Variants in BCAS3 observed in about 807,000 individuals in gnomAD.
BCAS3 encodes BCAS3 microtubule associated cell migration factor, also known as BCAS4/BCAS3 fusion.
A neutral mutation model predicts 116.1 loss-of-function variants in BCAS3; 53 were observed. That is an observed-to-expected ratio of 0.46 (90% CI 0.37 to 0.57). The LOEUF is 0.57. Among genes scored for constraint, BCAS3 ranks in the 20% least tolerant of loss-of-function variants. The pLI, the probability that BCAS3 is intolerant of heterozygous loss-of-function variation, is 0.00. For synonymous variants in BCAS3, 391 were observed against 408.2 expected, an observed-to-expected ratio of 0.96 and a Z score of 0.51; for missense variants, 917 against 1,165.4, an observed-to-expected ratio of 0.79 and a Z score of 3.10.
Position 61,073,532 on chromosome 17 carries a change from G to T in BCAS3, c.2030-1388G>T, listed in dbSNP as rs745391450. Among the ~76,000 whole-genome samples, 1 of 151,834 alleles carries T rather than the reference G, an allele frequency of 6.6e-6. No individual in the cohort carries two copies. The highest frequency in any genetic ancestry group is 1.9e-4 in the East Asian group (1 of 5,174). ...GGTTGGCATTCTCTTTCACTGCTTG[G>T]GTAAGTGTATAACTCTTTCTGGGAA... On this transcript the variant is annotated intron_variant, in intron 19 of 23. Transcript: ENST00000407086. This position sits in a 1 kb window ranked among gnomAD's most constrained non-coding sequence, Gnocchi z 4.6.
chr17:60,780,097 C>CTT (rs1445068300), intron 6 of BCAS3, among the ~76,000 whole-genome samples: 2 of 151,088 alleles, frequency 1.3e-5, no homozygotes, highest in African/African-American at 4.9e-5. Flanking sequence ...TCAAGCGATT[C>CTT]TTCTGCCTCG....
chr17:61,347,152 G>A lies in BCAS3; in HGVS notation c.2426-21175G>A, dbSNP rs137951184. ...TGCAGTGGTGCAATCTCAGCTCACCGCAACCTCCACCTCCAGGGTTCAAGC... is the reference window on the plus strand; with the variant it reads ...TGCAGTGGTGCAATCTCAGCTCACCACAACCTCCACCTCCAGGGTTCAAGC... On this transcript the variant is annotated intron_variant, in intron 22 of 23. Transcript: ENST00000407086. The surrounding 1 kb of genome is among the most constrained non-coding windows in gnomAD (Gnocchi z 4.3). 9.2e-5 allele frequency among the ~76,000 whole-genome samples: 14 copies of A among 152,084 alleles called. No homozygotes were observed. The highest frequency in any genetic ancestry group is 3.4e-4 in the African/African-American group (14 of 41,410).
intron 22 of BCAS3, among the ~76,000 whole-genome samples, chr17:61,177,364 C>T (rs150549811): frequency 1.3e-5 from 2 of 152,276 alleles, no homozygotes; most frequent in African/African-American, 4.8e-5. Flanking sequence ...AAATGGAATA[C>T]TACTCAGCAA....
chr17:60,894,116 A>G (rs933745634), intron 10 of BCAS3, among the ~76,000 whole-genome samples: 1 of 151,952 alleles, frequency 6.6e-6, no homozygotes, highest in Non-Finnish European at 1.5e-5. Context: ...AATTCTGTGG[A>G]AAAAACATTA....
Position 61,364,988 on chromosome 17 carries a change from T to C in BCAS3, c.2426-3339T>C, listed in dbSNP as rs187048255. Among the ~76,000 whole-genome samples, 10 of 152,312 alleles carry C rather than the reference T, an allele frequency of 6.6e-5. No individual in the cohort carries two copies. Among genetic ancestry groups the C allele is most frequent in the African/African-American group, 2.4e-4 (10 of 41,556 alleles). ...ATACATATTTGTCATTAAGAACATA[T>C]ACATGAACACACCTATTACATACAG... On this transcript the variant is annotated intron_variant, in intron 22 of 23. Coordinates refer to ENST00000407086, the MANE Select transcript of BCAS3 (RefSeq NM_017679.5). The surrounding 1 kb of genome is among the most constrained non-coding windows in gnomAD (Gnocchi z 5.4).
At chr17:60,703,049 T>C (rs1393949799) in intron 4 of BCAS3, among the ~76,000 whole-genome samples, 3 of 136,028 alleles carry the variant, frequency 2.2e-5, no homozygotes, top group East Asian at 2.4e-4. Context: ...CCAAGGTGGG[T>C]GGATCACCTG....
chr17:61,284,137 G>T (rs1344523899), intron 22 of BCAS3, among the ~76,000 whole-genome samples: 1 of 152,164 alleles, frequency 6.6e-6, no homozygotes, highest in Non-Finnish European at 1.5e-5. Context: ...TCAGCACTCT[G>T]TAAAAATGGA....
At chr17:60,764,882 G>T (rs557944106) in intron 6 of BCAS3, among the ~76,000 whole-genome samples, 42 of 152,286 alleles carry the variant, frequency 2.8e-4, no homozygotes, top group African/African-American at 9.4e-4. Flanking sequence ...GAGCACTCCT[G>T]TATTGGGTGC....
chr17:61,143,684 A>AT (rs1229690684), intron 22 of BCAS3, among the ~76,000 whole-genome samples: 1 of 152,050 alleles, frequency 6.6e-6, no homozygotes, highest in Non-Finnish European at 1.5e-5. Flanking sequence ...TGGCGTGTGC[A>AT]TGTAATCCCA....
At chr17:60,936,109 T>G (rs1190965533) in intron 13 of BCAS3, among the ~76,000 whole-genome samples, 2 of 150,714 alleles carry the variant, frequency 1.3e-5, no homozygotes, top group Non-Finnish European at 2.9e-5. Flanking sequence ...ACATGCAGTG[T>G]TTGGTTTTTT....
Position 61,295,679 on chromosome 17 carries a change from G to A in BCAS3, c.2426-72648G>A, listed in dbSNP as rs546896400. On this transcript the variant is annotated intron_variant, in intron 22 of 23. Transcript: ENST00000407086. ...GAAATTTCTGTAGGTCAGGCGGGGC[G>A]CGGTGGCTCATGCCTGTAATCCCAG... 2.0e-3 allele frequency among the ~76,000 whole-genome samples: 309 copies of A among 152,036 alleles called. 2 individuals are homozygous for A. Among genetic ancestry groups the A allele is most frequent in the Non-Finnish European group, 2.1e-3 (144 of 68,000 alleles).
At chr17:60,776,334 T>C (rs2045279893) in intron 6 of BCAS3, among the ~76,000 whole-genome samples, 1 of 152,200 alleles carries the variant, frequency 6.6e-6, no homozygotes, top group Non-Finnish European at 1.5e-5. Context: ...AAAATGCCAG[T>C]ATAATATCTC....
In BCAS3 at chr17:61,363,216, A is replaced by G. The variant is rs1030975900; in HGVS notation, c.2426-5111A>G. ...CCATAGATGCCCCAAAATTGCCCGC[A>G]TAATTTTATGTATGCAAGCACACAT... On this transcript the variant is annotated intron_variant, in intron 22 of 23. Coordinates refer to ENST00000407086, the MANE Select transcript of BCAS3 (RefSeq NM_017679.5). The surrounding 1 kb of genome is among the most constrained non-coding windows in gnomAD (Gnocchi z 4.9). 6.6e-6 allele frequency among the ~76,000 whole-genome samples: 1 copy of G among 152,228 alleles called. No individual in the cohort carries two copies. Among genetic ancestry groups the G allele is most frequent in the African/African-American group, 2.4e-5 (1 of 41,458 alleles).
intron 22 of BCAS3, among the ~76,000 whole-genome samples, chr17:61,148,973 C>T (rs532001103): frequency 6.6e-6 from 1 of 152,306 alleles, no homozygotes; most frequent in African/African-American, 2.4e-5. Context: ...ATAATGATAA[C>T]TGCAAATATC....
chr17:61,008,833 A>G lies in BCAS3; in HGVS notation c.1487-6918A>G, dbSNP rs1005223735. 2.0e-5 allele frequency among the ~76,000 whole-genome samples: 3 copies of G among 152,076 alleles called. No individual in the cohort carries two copies. Among genetic ancestry groups the G allele is most frequent in the Non-Finnish European group, 4.4e-5 (3 of 67,974 alleles). ...AGTGTTGCAAAGAGGGCAAAAATAA[A>G]GGAGATATTTGGGACTGGGGCTGTT... is the stretch of plus-strand genomic sequence containing the variant. On this transcript the variant is annotated intron_variant, in intron 15 of 23. Coordinates refer to ENST00000407086, the MANE Select transcript of BCAS3 (RefSeq NM_017679.5). The surrounding 1 kb of genome is among the most constrained non-coding windows in gnomAD (Gnocchi z 4.6).
Position 60,871,631 on chromosome 17 carries a change from G to C in BCAS3, c.584+2948G>C, listed in dbSNP as rs569848607. On this transcript the variant is annotated intron_variant, in intron 8 of 23. Coordinates refer to ENST00000407086, the MANE Select transcript of BCAS3 (RefSeq NM_017679.5). Reference sequence around the variant, plus strand: ...GTTTTTTTTTTTTTTGCATAACCAGGCATTGTATTTAGTGAAGTCAATATG... The same window carrying C: ...GTTTTTTTTTTTTTTGCATAACCAGCCATTGTATTTAGTGAAGTCAATATG... Among the ~76,000 whole-genome samples, 113 of 150,502 alleles carry C rather than the reference G, an allele frequency of 7.5e-4. 1 individual carries two copies. Among genetic ancestry groups the C allele is most frequent in the Non-Finnish European group, 1.4e-3 (92 of 67,606 alleles).
At chr17:61,018,689 C>T (rs2065660906) in intron 16 of BCAS3, among the ~76,000 whole-genome samples, 1 of 152,144 alleles carries the variant, frequency 6.6e-6, no homozygotes. Flanking sequence ...TTCACGTTCT[C>T]TCCCTCTGCC....
Position 61,198,669 on chromosome 17 carries a change from TTTAG to T in BCAS3, c.2425+114109_2425+114112del, listed in dbSNP as rs1340365993. On this transcript the variant is annotated intron_variant, in intron 22 of 23. Coordinates refer to ENST00000407086, the MANE Select transcript of BCAS3 (RefSeq NM_017679.5). The surrounding 1 kb of genome is among the most constrained non-coding windows in gnomAD (Gnocchi z 5.0). ...CATTTTTAGCTTCTGTGCATTTACT[TTTAG>T]TTAATCTGTTTGATTTGAATACACT... Among the ~76,000 whole-genome samples the T allele has an allele frequency of 6.6e-6, 1 of 152,218 alleles. No individual in the cohort carries two copies. The highest frequency in any genetic ancestry group is 2.4e-5 in the African/African-American group (1 of 41,456).
intron 13 of BCAS3, among the ~76,000 whole-genome samples, chr17:60,934,584 A>G (rs2059822495): frequency 6.6e-6 from 1 of 152,206 alleles, no homozygotes; most frequent in Admixed American, 6.5e-5. Flanking sequence ...TTAAACACTG[A>G]AGTACTTGAA....
Sources: gnomAD v4.1 joint callset for allele counts (sites outside exome capture counted in the v4.1 genomes callset) on GRCh38, gnomAD v4.1.1 for gene constraint, Gnocchi (gnomAD v3.1) non-coding constraint, MANE v1.5 for transcripts, NCBI Gene and HGNC (gene_info 2026-07-23, HGNC 2026-07-21) for gene names.